Variants in STK36 observed in about 807,000 individuals in gnomAD.
The protein encoded by STK36 is serine/threonine-protein kinase 36.
In STK36, 116 loss-of-function variants were observed where a neutral mutation model predicts 142.2. The observed-to-expected ratio is 0.82, with a 90% CI of 0.70 to 0.95. The LOEUF is 0.95. Among genes scored for constraint, STK36 ranks in the 40% least tolerant of loss-of-function variants. The pLI, the probability that STK36 is intolerant of heterozygous loss-of-function variation, is 0.00. For missense variants in STK36, 1,422 were observed against 1,617.2 expected (o/e 0.88, Z 2.07); for synonymous variants, 619 against 641.7 (o/e 0.96, Z 0.53).
intron 6 of STK36, among the ~76,000 whole-genome samples, chr2:218,676,886 G>A (rs984841994): frequency 7.2e-5 from 11 of 151,980 alleles, no homozygotes; most frequent in Non-Finnish European, 1.3e-4. Flanking sequence ...TCCTGACCTC[G>A]TGACTCGCCT....
chr2:218,689,224 C>G (rs1267952054), intron 12 of STK36, among the ~76,000 whole-genome samples: 1 of 152,108 alleles, frequency 6.6e-6, no homozygotes, highest in East Asian at 1.9e-4. Context: ...TTCTAGTTTT[C>G]TAAGAAAAGG....
At position 218,696,543 on chromosome 2, in the gene STK36, CA is replaced by C. The variant is rs865821324; in HGVS notation, c.2529del (p.Gly844ValfsTer25). The stretch of plus-strand genomic sequence containing the variant: ...CTCTGACAGGTTCGGTTGACTCCAC[CA>C]GGTAGTTGTGGATTCTATGATGGCC... ...SAPAEVRLTP[P>X]GSCGFYDGLL... On this transcript the variant is annotated frameshift_variant, in exon 22 of 27. Transcript: ENST00000295709. LOFTEE classifies it high-confidence loss of function. 1.7e-5 allele frequency: 28 copies of C among 1,613,958 alleles called. No individual in the cohort carries two copies. Among genetic ancestry groups the C allele is most frequent in the Non-Finnish European group, 2.4e-5 (28 of 1,179,970 alleles).
At chr2:218,680,221 C>A in intron 9 of STK36, 141 bp downstream of exon 9, 1 of 779,972 alleles carries the variant, frequency 1.3e-6, no homozygotes, top group Non-Finnish European at 2.0e-6. Flanking sequence ...GTCCTGGATT[C>A]TTGGATTCTA....
intron 6 of STK36, among the ~76,000 whole-genome samples, chr2:218,678,675 A>G (rs939374987): frequency 2.6e-5 from 4 of 152,150 alleles, no homozygotes; most frequent in African/African-American, 9.7e-5. Flanking sequence ...TTGCAGAAAG[A>G]TTTCTGTTTT....
Position 218,698,881 on chromosome 2 carries a change from C to T in STK36, c.3337C>T (p.Pro1113Ser), listed in dbSNP as rs367557350. 31 of 1,614,100 alleles carry T rather than the reference C, an allele frequency of 1.9e-5. No individual in the cohort carries two copies. Among genetic ancestry groups the T allele is most frequent in the Non-Finnish European group, 2.4e-5 (28 of 1,180,050 alleles). The change falls in exon 26 of 27, where the codon CCC (proline) becomes TCC (serine). Residue 1113 changes from proline (P) to serine (S), a missense_variant. This residue lies in a region of STK36 where 962 missense variants were observed against 1,167.5 expected (regional missense o/e 0.82). Coordinates refer to ENST00000295709, the MANE Select transcript of STK36 (RefSeq NM_015690.5). ...LLAGSDESYR[P>S]LRSLLGHPEN... ...GGCTGGCTCTGATGAATCCTATCGG[C>T]CCCTGCGCAGCCTCCTGGGCCACCC...
chr2:218,700,123 G>A (rs1336415621), intron 26 of STK36, among the ~76,000 whole-genome samples: 1 of 151,956 alleles, frequency 6.6e-6, no homozygotes, highest in African/African-American at 2.4e-5. Context: ...GTTTCTCCAT[G>A]TTGGTCAGGC....
intron 23 of STK36, 90 bp from the exon 24 acceptor site, chr2:218,697,373 T>C (rs1036390989): frequency 1.3e-6 from 2 of 1,550,302 alleles, no homozygotes; most frequent in African/African-American, 1.4e-5. Context: ...GGGAAGGGAC[T>C]GAATAGGTGT....
At chr2:218,679,407 T>C in intron 7 of STK36, 146 bp downstream of exon 7, 1 of 1,265,704 alleles carries the variant, frequency 7.9e-7, no homozygotes, top group Non-Finnish European at 1.1e-6. Context: ...ACTTAACCTT[T>C]GCCACTTCCC....
chr2:218,696,091 T>TGACTTCCTGATCCCCCC (rs1449914306), intron 21 of STK36, among the ~76,000 whole-genome samples: 1 of 151,420 alleles, frequency 6.6e-6, no homozygotes, highest in Admixed American at 6.6e-5. Flanking sequence ...CTGGAACTCC[T>TGACTTCCTGATCCCCCC]GACTTCCTGA....
rs745384860 is a variant in STK36 at position 218,679,161 on chromosome 2, T to A, written c.685-7T>A. 1.2e-6 allele frequency: 2 copies of A among 1,613,816 alleles called. No homozygotes were observed. The highest frequency in any genetic ancestry group is 3.3e-5 in the Admixed American group (2 of 59,980). On this transcript the variant is annotated splice_region_variant and splice_polypyrimidine_tract_variant and intron_variant, in intron 6 of 26. Transcript: ENST00000295709. ...AATGACTGATGGAATATTTTTTCTC[T>A]CTGTAGAACTTCCTGCAGGGACTGC...
Position 218,693,876 on chromosome 2 carries a change from T to C in STK36, c.2248-19T>C. 1 of 1,614,212 alleles carries C rather than the reference T, an allele frequency of 6.2e-7. No individual in the cohort carries two copies. The highest frequency in any genetic ancestry group is 8.5e-7 in the Non-Finnish European group (1 of 1,180,026). Reference sequence around the variant, plus strand: ...GTCTCAGCCAGAGGTTGTTCTGATATCTTAGGTTTCCTTTGTAGGTAAAAG... The same window carrying C: ...GTCTCAGCCAGAGGTTGTTCTGATACCTTAGGTTTCCTTTGTAGGTAAAAG... On this transcript the variant is annotated intron_variant, in intron 18 of 26. Coordinates refer to ENST00000295709, the MANE Select transcript of STK36 (RefSeq NM_015690.5).
At chr2:218,698,073 C>T in intron 25 of STK36, 72 bp downstream of exon 25, 1 of 1,592,060 alleles carries the variant, frequency 6.3e-7, no homozygotes. Context: ...TACTTCCCAG[C>T]AGCTCCAGGG....
chr2:218,693,917 A>T lies in STK36; in HGVS notation c.2270A>T (p.Glu757Val), dbSNP rs769212129. Residue 757 changes from glutamate (E) to valine (V), a missense_variant, in exon 19 of 27, where the codon GAG becomes GTG. Glu to Val is a moderately radical substitution (Grantham distance 121). Transcript: ENST00000295709. ...TAGGTAAAAGTAGTAGATTGGGAAGAGTCTACTGAAGTGACACTCTACTTC... is the reference window on the plus strand; with the variant it reads ...TAGGTAAAAGTAGTAGATTGGGAAGTGTCTACTGAAGTGACACTCTACTTC... ...QGKVKVVDWE[E>V]STEVTLYFLS... 1.2e-6 allele frequency: 2 copies of T among 1,614,262 alleles called. No individual in the cohort carries two copies. Among genetic ancestry groups the T allele is most frequent in the South Asian group, 1.1e-5 (1 of 91,086 alleles).
chr2:218,676,291 G>C lies in STK36; in HGVS notation c.684+13G>C, dbSNP rs775862606. On this transcript the variant is annotated intron_variant, in intron 6 of 26. Transcript: ENST00000295709. ...TCCCTGCTTTAAGGTAATGAATATT[G>C]AAAGGGAGATGACTTTTACATTAGA... is the stretch of plus-strand genomic sequence containing the variant. 2 of 1,613,404 alleles carry C rather than the reference G, an allele frequency of 1.2e-6. No individual in the cohort carries two copies. Among genetic ancestry groups the C allele is most frequent in the Non-Finnish European group, 1.7e-6 (2 of 1,179,486 alleles).
chr2:218,679,176 G>T lies in STK36; in HGVS notation c.693G>T (p.Leu231=). The part of the protein sequence containing the change: ...STISPCFKNF[L]QGLLTKDPRQ... The stretch of plus-strand genomic sequence containing the variant: ...ATTTTTTCTCTCTGTAGAACTTCCT[G>T]CAGGGACTGCTCACCAAAGACCCAC... Residue 231 remains leucine, a synonymous_variant, in exon 7 of 27, where the codon CTG becomes CTT. Transcript: ENST00000295709. 1 of 1,614,098 alleles carries T rather than the reference G, an allele frequency of 6.2e-7. No individual in the cohort carries two copies. Among genetic ancestry groups the T allele is most frequent in the Non-Finnish European group, 8.5e-7 (1 of 1,179,994 alleles).
Position 218,696,593 on chromosome 2 carries a change from C to T in STK36, c.2578C>T (p.Leu860Phe), listed in dbSNP as rs1941242526. The change falls in exon 22 of 27, where the codon CTC (leucine) becomes TTC (phenylalanine). Residue 860 changes from leucine to phenylalanine, a missense_variant. Physicochemically the swap from Leu to Phe is conservative, Grantham distance 22 (BLOSUM62 0). This residue lies in a region of STK36 where 962 missense variants were observed against 1,167.5 expected (regional missense o/e 0.82). Transcript: ENST00000295709. ...CCTCCTTATCCTTCTGTTGCAGCTC[C>T]TCACTGAGGTACAGATGGATCTTGG... The part of the protein sequence containing the change: ...DGLLILLLQL[L>F]TEQGKASLIR... 4 of 1,614,094 alleles carry T rather than the reference C, an allele frequency of 2.5e-6. No individual in the cohort carries two copies. Among genetic ancestry groups the T allele is most frequent in the Admixed American group, 1.7e-5 (1 of 60,016 alleles).
At position 218,684,008 on chromosome 2, in the gene STK36, A is replaced by G. The variant is rs1322766804; in HGVS notation, c.1237-1077A>G. 6.3e-5 allele frequency among the ~76,000 whole-genome samples: 9 copies of G among 143,668 alleles called. No homozygotes were observed. The East Asian group carries it at 1.8e-3, about 28-fold the overall frequency. The allele number at this position is 143,668 out of a possible 152,430, so 94.3% of individuals were successfully genotyped here. A position where few individuals can be genotyped will look rare whatever the true frequency, so the allele number is the denominator to read the frequency against. ...GAGACAGAGCCTTACTATATTGCCC[A>G]GGCTGGTCTTGAGCTCCTGGCCTCA... On this transcript the variant is annotated intron_variant, in intron 10 of 26. Coordinates refer to ENST00000295709, the MANE Select transcript of STK36 (RefSeq NM_015690.5).
rs1235871401 is a variant in STK36 at position 218,699,300 on chromosome 2, T to C, written c.3756T>C (p.Ala1252=). Reference sequence around the variant, plus strand: ...ACCCCCAGCCAAATGTGAAGGAGGCTGCCCTCATTGCCCTCCGGAGCCTGC... The same window carrying C: ...ACCCCCAGCCAAATGTGAAGGAGGCCGCCCTCATTGCCCTCCGGAGCCTGC... ...CGDPQPNVKE[A]ALIALRSLQQ... Residue 1252 remains alanine, a synonymous_variant, in exon 26 of 27, where the codon GCT becomes GCC. Transcript: ENST00000295709. The C allele has an allele frequency of 6.2e-7, 1 of 1,613,972 alleles. No individual in the cohort carries two copies. Among genetic ancestry groups the C allele is most frequent in the Non-Finnish European group, 8.5e-7 (1 of 1,180,034 alleles).
chr2:218,688,766 T>C lies in STK36; in HGVS notation c.1450T>C (p.Ser484Pro), dbSNP rs772965276. The change falls in exon 12 of 27, where the codon TCC (serine) becomes CCC (proline). Residue 484 changes from serine (S) to proline (P), a missense_variant. This residue lies in a region of STK36 where 962 missense variants were observed against 1,167.5 expected (regional missense o/e 0.82). Transcript: ENST00000295709. ...PAFRVLSSLL[S>P]SCSDSVALYS... ...ATTCCGGGTCCTGAGCAGTCTTCTC[T>C]CCAGCTGCAGTGATTCTGTTGCCTT... The C allele has an allele frequency of 2.0e-5, 33 of 1,614,196 alleles. 1 individual carries two copies. In the South Asian group the frequency reaches 3.6e-4, roughly 18 times the overall value.
Sources: gnomAD v4.1 joint callset for allele counts (sites outside exome capture counted in the v4.1 genomes callset) on GRCh38, gnomAD v4.1.1 for gene constraint, gnomAD v4.1.1 regional missense constraint, MANE v1.5 for transcripts, NCBI Gene and HGNC (gene_info 2026-07-23, HGNC 2026-07-21) for gene names.